The following INPP5A variants were observed in gnomAD, a reference collection of about 807,000 sequenced individuals.
The protein encoded by INPP5A is 43 kDa inositol polyphosphate 5-phophatase.
INPP5A carries 14 observed loss-of-function variants against 65.2 expected under a neutral mutation model. The ratio of observed to expected loss-of-function variants is 0.21; its 90% CI spans 0.14 to 0.34. The LOEUF is 0.34. Among genes scored for constraint, INPP5A ranks in the 10% least tolerant of loss-of-function variants. The pLI, the probability that INPP5A is intolerant of heterozygous loss-of-function variation, is 1.00. For synonymous variants in INPP5A, 207 were observed against 208.3 expected (o/e 0.99, Z 0.05); for missense variants, 431 against 545.6 (o/e 0.79, Z 2.09).
At chr10:132,735,622 T>C (rs1431057470) in intron 9 of INPP5A, among the ~76,000 whole-genome samples, 1 of 152,234 alleles carries the variant, frequency 6.6e-6, no homozygotes, top group Non-Finnish European at 1.5e-5. Flanking sequence ...GGTCATCCTC[T>C]TGCTCTCACT....
intron 4 of INPP5A, among the ~76,000 whole-genome samples, chr10:132,682,332 T>C (rs563330793): frequency 5.4e-4 from 83 of 152,304 alleles, no homozygotes; most frequent in African/African-American, 1.9e-3. Context: ...GTGCAGACGT[T>C]CGTTAGGCGC....
Position 132,707,973 on chromosome 10 carries a change from G to A in INPP5A, c.475-340G>A, listed in dbSNP as rs529391037. Among the ~76,000 whole-genome samples, 7 of 152,298 alleles carry A rather than the reference G, an allele frequency of 4.6e-5. No homozygotes were observed. The South Asian group carries it at 1.0e-3, about 23-fold the overall frequency. On this transcript the variant is annotated intron_variant, in intron 6 of 15. Coordinates refer to ENST00000368594, the MANE Select transcript of INPP5A (RefSeq NM_005539.5). This position sits in a 1 kb window ranked among gnomAD's most constrained non-coding sequence, Gnocchi z 5.5. ...CCAGCCGAGGGCGGCCGTGTGTCTCGAGCTCCCTGATCAGCATCTGTGGTG... is the reference window on the plus strand; with the variant it reads ...CCAGCCGAGGGCGGCCGTGTGTCTCAAGCTCCCTGATCAGCATCTGTGGTG...
chr10:132,579,632 G>T (rs924869747), intron 1 of INPP5A, among the ~76,000 whole-genome samples: 1 of 152,162 alleles, frequency 6.6e-6, no homozygotes, highest in Non-Finnish European at 1.5e-5. Flanking sequence ...CCCTGCGGTG[G>T]TGGGGCCTGC....
At chr10:132,623,279 T>A (rs1459887906) in intron 2 of INPP5A, among the ~76,000 whole-genome samples, 3 of 152,218 alleles carry the variant, frequency 2.0e-5, no homozygotes, top group African/African-American at 7.2e-5. Context: ...AACAGTGTGC[T>A]CTTTGTAAAA....
intron 12 of INPP5A, among the ~76,000 whole-genome samples, chr10:132,769,341 C>T (rs963515396): frequency 1.3e-5 from 2 of 152,184 alleles, no homozygotes; most frequent in Non-Finnish European, 2.9e-5. Flanking sequence ...CTGTTTGAGG[C>T]GGTCAGGAGC....
chr10:132,648,582 C>A (rs1321030973), intron 3 of INPP5A, among the ~76,000 whole-genome samples: 1 of 152,204 alleles, frequency 6.6e-6, no homozygotes, highest in Non-Finnish European at 1.5e-5. Flanking sequence ...CATGAATTTT[C>A]TCAGCTTTTG....
At chr10:132,576,618 T>TA (rs1389935361) in intron 1 of INPP5A, among the ~76,000 whole-genome samples, 16 of 152,236 alleles carry the variant, frequency 1.1e-4, no homozygotes, top group Admixed American at 3.9e-4. Flanking sequence ...CCCAACCAGC[T>TA]AACAGGATGC....
intron 1 of INPP5A, among the ~76,000 whole-genome samples, chr10:132,585,239 C>A (rs2071532706): frequency 6.6e-6 from 1 of 152,156 alleles, no homozygotes. Context: ...AAAATATGTT[C>A]TTAAAAATGA....
chr10:132,737,026 CAG>C (rs1846188707), intron 9 of INPP5A, among the ~76,000 whole-genome samples: 1 of 152,246 alleles, frequency 6.6e-6, no homozygotes, highest in Non-Finnish European at 1.5e-5. Flanking sequence ...GCGTGACAGA[CAG>C]GGATGACTGT....
chr10:132,710,672 G>A (rs1386488723), intron 8 of INPP5A, among the ~76,000 whole-genome samples: 3 of 150,670 alleles, frequency 2.0e-5, no homozygotes, highest in South Asian at 4.2e-4. Flanking sequence ...TGGACAGGTC[G>A]GTGTGGATGG....
Position 132,587,237 on chromosome 10 carries a change from C to G in INPP5A, c.76-20678C>G, listed in dbSNP as rs1386913376. Among the ~76,000 whole-genome samples the G allele has an allele frequency of 6.6e-6, 1 of 152,262 alleles. No homozygotes were observed. Among genetic ancestry groups the G allele is most frequent in the East Asian group, 1.9e-4 (1 of 5,208 alleles). ...GGGCGGACAGGAGATGGACCCAGGG[C>G]AGCTTGGGCCCGTTCCTCACCTGTT... is the stretch of plus-strand genomic sequence containing the variant. On this transcript the variant is annotated intron_variant, in intron 1 of 15. Coordinates refer to ENST00000368594, the MANE Select transcript of INPP5A (RefSeq NM_005539.5). This position sits in a 1 kb window ranked among gnomAD's most constrained non-coding sequence, Gnocchi z 4.3.
chr10:132,743,350 G>T (rs1256338247), intron 9 of INPP5A, among the ~76,000 whole-genome samples: 1 of 141,740 alleles, frequency 7.1e-6, no homozygotes. Context: ...GGGCCCGGGA[G>T]TGAGGGCGAG....
At chr10:132,578,935 G>C (rs2071445084) in intron 1 of INPP5A, among the ~76,000 whole-genome samples, 1 of 152,204 alleles carries the variant, frequency 6.6e-6, no homozygotes, top group Non-Finnish European at 1.5e-5. Flanking sequence ...GTGCAGGGTA[G>C]AGGTCGGGCC....
intron 11 of INPP5A, among the ~76,000 whole-genome samples, chr10:132,757,727 G>A (rs554613774): frequency 2.0e-5 from 3 of 152,246 alleles, no homozygotes; most frequent in South Asian, 2.1e-4. Context: ...GCACCATGGC[G>A]TGGGTCCCCG....
chr10:132,723,884 CGGGACACAG>C (rs544366605), intron 8 of INPP5A, among the ~76,000 whole-genome samples: 1 of 152,292 alleles, frequency 6.6e-6, no homozygotes, highest in Non-Finnish European at 1.5e-5. Flanking sequence ...TCTGTGCTCA[CGGGACACAG>C]CAAGCGCTTC....
chr10:132,559,270 C>T (rs182086096), intron 1 of INPP5A, among the ~76,000 whole-genome samples: 2 of 152,200 alleles, frequency 1.3e-5, no homozygotes, highest in Admixed American at 6.5e-5. Context: ...GAAGCGCACA[C>T]GTGGTAAATC....
chr10:132,749,509 T>C lies in INPP5A; in HGVS notation c.733-8T>C. Reference sequence around the variant, plus strand: ...CTGGGACTTATCTCCGTTGCTGTCTTTCTGCAGACGCTCTGCACAAAAGCC... The same window carrying C: ...CTGGGACTTATCTCCGTTGCTGTCTCTCTGCAGACGCTCTGCACAAAAGCC... On this transcript the variant is annotated splice_region_variant and splice_polypyrimidine_tract_variant and intron_variant, in intron 9 of 15. Coordinates refer to ENST00000368594, the MANE Select transcript of INPP5A (RefSeq NM_005539.5). The C allele has an allele frequency of 1.2e-6, 2 of 1,612,642 alleles. No individual in the cohort carries two copies. Among genetic ancestry groups the C allele is most frequent in the Non-Finnish European group, 1.7e-6 (2 of 1,179,820 alleles).
rs1462329608 is a variant in INPP5A at position 132,710,446 on chromosome 10, G to A, written c.637G>A (p.Val213Met). Residue 213 changes from valine (V) to methionine (M), a missense_variant, in exon 8 of 16, where the codon GTG becomes ATG. Coordinates refer to ENST00000368594, the MANE Select transcript of INPP5A (RefSeq NM_005539.5). ...AATCCGGCACAAGGCACTGGGCTAC[G>A]TGCTGGACAGGTAGGTGTGGGCGGG... Reference protein sequence around the residue: ...SGIRHKALGYVLDRIIDQRFE... With the variant: ...SGIRHKALGYMLDRIIDQRFE... 6.2e-6 allele frequency: 10 copies of A among 1,613,602 alleles called. No homozygotes were observed. The highest frequency in any genetic ancestry group is 2.2e-5 in the East Asian group (1 of 44,882).
chr10:132,685,216 C>T (rs900734239), intron 4 of INPP5A, among the ~76,000 whole-genome samples: 2 of 152,254 alleles, frequency 1.3e-5, no homozygotes, highest in Admixed American at 6.5e-5. Context: ...CCCTGGGCCG[C>T]GGGCCGTGGC....
Sources: allele counts gnomAD v4.1 joint callset (sites outside exome capture counted in the v4.1 genomes callset), GRCh38; gene constraint gnomAD v4.1.1; non-coding constraint Gnocchi (gnomAD v3.1); transcripts MANE v1.5; gene names NCBI Gene and HGNC (gene_info 2026-07-23, HGNC 2026-07-21).